FER: variants seen among roughly 807,000 people sequenced by gnomAD.
FER encodes the protein tyrosine-protein kinase Fer.
A neutral mutation model predicts 111.0 loss-of-function variants in FER; 63 were observed. The observed-to-expected ratio is 0.57, with a 90% CI of 0.46 to 0.70. The LOEUF is 0.70. FER is among the 30% of genes least tolerant of loss of function. FER has a pLI of 0.00. For missense variants in FER, 914 were observed against 954.0 expected (o/e 0.96, Z 0.55); for synonymous variants, 327 against 313.9 (o/e 1.04, Z -0.44).
rs1773462494 is a variant in FER at position 109,055,216 on chromosome 5, A to AGAG, written c.1924+8019_1924+8021dup. On this transcript the variant is annotated intron_variant, in intron 16 of 19. Transcript: ENST00000281092. ...AACCAGAAACAATAAAATTCCTAGA[A>AGAG]GAGAACATGGGGGAAAACTCTGGGA... is the stretch of plus-strand genomic sequence containing the variant. Among the ~76,000 whole-genome samples the AGAG allele has an allele frequency of 4.6e-5, 7 of 152,298 alleles. No individual in the cohort carries two copies. In the South Asian group the frequency reaches 1.5e-3, roughly 32 times the overall value.
chr5:108,889,465 A>G (rs1414827852), intron 9 of FER, among the ~76,000 whole-genome samples: 3 of 151,948 alleles, frequency 2.0e-5, no homozygotes, highest in African/African-American at 7.2e-5. Context: ...CAAACTTTGC[A>G]TGTTCTTGCT....
intron 8 of FER, among the ~76,000 whole-genome samples, chr5:108,874,887 C>T (rs1764932575): frequency 6.6e-6 from 1 of 151,746 alleles, no homozygotes; most frequent in African/African-American, 2.4e-5. Context: ...TGGATAATAC[C>T]CAGTGTTGTA....
At chr5:109,186,610 T>TGTTTCTCAAAC (rs1189715615) in intron 19 of FER, among the ~76,000 whole-genome samples, 1 of 152,168 alleles carries the variant, frequency 6.6e-6, no homozygotes, top group African/African-American at 2.4e-5. Context: ...AATAGGGTGG[T>TGTTTCTCAAAC]GTTTCTCAAA....
chr5:108,848,927 G>A (rs1762285302), intron 5 of FER, among the ~76,000 whole-genome samples: 1 of 151,802 alleles, frequency 6.6e-6, no homozygotes, highest in Non-Finnish European at 1.5e-5. Context: ...TATTTTTTGG[G>A]AGTATAGAAT....
rs115829393 is a variant in FER, at chr5:108,861,012, C to A, written c.482-6755C>A. Reference sequence around the variant, plus strand: ...CCCTTCATGATTTAACCACCTTCCACCTGGTCCTTCCCTTGATACATGGGA... The same window carrying A: ...CCCTTCATGATTTAACCACCTTCCAACTGGTCCTTCCCTTGATACATGGGA... On this transcript the variant is annotated intron_variant, in intron 5 of 19. Coordinates refer to ENST00000281092, the MANE Select transcript of FER (RefSeq NM_005246.4). Among the ~76,000 whole-genome samples the A allele has an allele frequency of 5.0e-3, 761 of 152,274 alleles. 8 individuals are homozygous for A. Among genetic ancestry groups the A allele is most frequent in the African/African-American group, 0.017 (700 of 41,548 alleles).
intron 10 of FER, among the ~76,000 whole-genome samples, chr5:108,916,779 A>C (rs1050277184): frequency 6.6e-6 from 1 of 152,144 alleles, no homozygotes; most frequent in Non-Finnish European, 1.5e-5. Flanking sequence ...ATGGCATAAG[A>C]TGAAATTCAA....
chr5:108,999,512 C>G (rs1764438920), intron 13 of FER, among the ~76,000 whole-genome samples: 2 of 151,996 alleles, frequency 1.3e-5, no homozygotes, highest in Admixed American at 1.3e-4. Flanking sequence ...GAAGATTCTT[C>G]TAGAGATGTG....
chr5:108,785,166 A>C (rs1300575866), intron 2 of FER: 8 of 606,720 alleles, frequency 1.3e-5, no homozygotes, highest in South Asian at 2.3e-5. Flanking sequence ...AAGACCAACC[A>C]CATTGGCCAC....
intron 13 of FER, among the ~76,000 whole-genome samples, chr5:108,996,335 C>T (rs2149764913): frequency 6.6e-6 from 1 of 152,224 alleles, no homozygotes; most frequent in East Asian, 1.9e-4. Context: ...AAGTCTTTGC[C>T]CATGCCCATG....
chr5:108,819,973 A>G (rs1402067760), intron 3 of FER: 1 of 985,238 alleles, frequency 1.0e-6, no homozygotes, highest in African/African-American at 1.7e-5. Flanking sequence ...GATGGGGCCA[A>G]TGAAGGATAA....
At chr5:108,762,785 G>C (rs1036856346) in intron 1 of FER, among the ~76,000 whole-genome samples, 5 of 152,062 alleles carry the variant, frequency 3.3e-5, no homozygotes, top group Non-Finnish European at 5.9e-5. Context: ...TAGACATTTT[G>C]TACTTTCTGT....
rs191886659 is a variant in FER, at chr5:108,816,075, C to A, written c.208-16695C>A. 1.9e-3 allele frequency among the ~76,000 whole-genome samples: 283 copies of A among 152,068 alleles called. 1 individual carries two copies. The highest frequency in any genetic ancestry group is 3.4e-3 in the Middle Eastern group (1 of 294). The stretch of plus-strand genomic sequence containing the variant: ...ACTAACTAACTACACCACCGCCCCC[C>A]CAAACACACACACACCACACATATA... On this transcript the variant is annotated intron_variant, in intron 3 of 19. Transcript: ENST00000281092.
At chr5:108,882,387 T>C (rs1765768157) in intron 8 of FER, among the ~76,000 whole-genome samples, 1 of 152,084 alleles carries the variant, frequency 6.6e-6, no homozygotes, top group African/African-American at 2.4e-5. Context: ...GTCAGTCTAG[T>C]TATAATAATG....
chr5:108,848,959 C>T (rs1762290463), intron 5 of FER, among the ~76,000 whole-genome samples: 1 of 151,774 alleles, frequency 6.6e-6, no homozygotes, highest in Non-Finnish European at 1.5e-5. Context: ...CAGATTTTTA[C>T]CTCTTTATGT....
chr5:108,895,490 C>A (rs1331965596), intron 9 of FER, among the ~76,000 whole-genome samples: 1 of 152,146 alleles, frequency 6.6e-6, no homozygotes, highest in Non-Finnish European at 1.5e-5. Flanking sequence ...TTTGCCTTTT[C>A]CAGTTTTTAG....
At chr5:109,013,791 G>A (rs1456360631) in intron 13 of FER, among the ~76,000 whole-genome samples, 1 of 149,308 alleles carries the variant, frequency 6.7e-6, no homozygotes, top group African/African-American at 2.4e-5. Flanking sequence ...GTGTGAGATG[G>A]TATCTCATTG....
At chr5:109,121,093 T>G (rs57960033) in intron 17 of FER, among the ~76,000 whole-genome samples, 1 of 151,990 alleles carries the variant, frequency 6.6e-6, no homozygotes, top group Non-Finnish European at 1.5e-5. Flanking sequence ...TATTTCTTTC[T>G]CTTGTCTGAT....
intron 18 of FER, among the ~76,000 whole-genome samples, chr5:109,185,429 A>C (rs1453795697): frequency 6.6e-6 from 1 of 152,246 alleles, no homozygotes; most frequent in East Asian, 1.9e-4. Context: ...AAAAATGAAG[A>C]AACTTTCCTA....
chr5:108,834,677 C>T (rs1346008078), intron 4 of FER, among the ~76,000 whole-genome samples: 1 of 124,398 alleles, frequency 8.0e-6, no homozygotes, highest in Non-Finnish European at 1.6e-5. Context: ...ACAGCCTGGG[C>T]AACAGAGGGA....
Sources: gnomAD v4.1 joint callset for allele counts (sites outside exome capture counted in the v4.1 genomes callset) on GRCh38, gnomAD v4.1.1 for gene constraint, MANE v1.5 for transcripts, NCBI Gene and HGNC (gene_info 2026-07-23, HGNC 2026-07-21) for gene names.